The following UBR3 variants were observed in gnomAD, a reference collection of about 807,000 sequenced individuals.
UBR3 encodes ubiquitin protein ligase E3 component n-recognin 3.
In UBR3, 85 loss-of-function variants were observed where a neutral mutation model predicts 243.2. The ratio of observed to expected loss-of-function variants is 0.35; its 90% CI spans 0.29 to 0.42. The LOEUF is 0.42. Among genes scored for constraint, UBR3 ranks in the 10% least tolerant of loss-of-function variants. The pLI is 1.00. For missense variants in UBR3, 1,686 were observed against 2,300.8 expected, an observed-to-expected ratio of 0.73 and a Z score of 5.47; for synonymous variants, 748 against 799.8, an observed-to-expected ratio of 0.94 and a Z score of 1.09.
intron 32 of UBR3, among the ~76,000 whole-genome samples, chr2:170,042,489 G>T (rs1028640765): frequency 6.6e-6 from 1 of 151,974 alleles, no homozygotes; most frequent in African/African-American, 2.4e-5. Context: ...AGGAGCTCAT[G>T]ACCAGCCTGG....
At chr2:169,947,254 G>C (rs1574262559) in intron 21 of UBR3, among the ~76,000 whole-genome samples, 1 of 152,058 alleles carries the variant, frequency 6.6e-6, no homozygotes, top group East Asian at 1.9e-4. Flanking sequence ...TGAATATTCT[G>C]TAATGTTCAG....
At chr2:170,012,386 C>A (rs2090111607) in intron 29 of UBR3, among the ~76,000 whole-genome samples, 1 of 151,934 alleles carries the variant, frequency 6.6e-6, no homozygotes, top group Admixed American at 6.6e-5. Flanking sequence ...TTATCAGGTA[C>A]CCTGGGGATT....
At chr2:170,002,066 C>A (rs1487823895) in intron 27 of UBR3, among the ~76,000 whole-genome samples, 1 of 151,496 alleles carries the variant, frequency 6.6e-6, no homozygotes, top group Admixed American at 6.6e-5. Flanking sequence ...CACATAAGTT[C>A]TCTTGTCTTC....
At chr2:170,057,423 T>C (rs575752408) in intron 33 of UBR3, among the ~76,000 whole-genome samples, 1 of 152,308 alleles carries the variant, frequency 6.6e-6, no homozygotes, top group South Asian at 2.1e-4. Context: ...CTGGCCTATT[T>C]TTCCTAAATA....
chr2:170,080,374 C>A (rs968277655), intron 37 of UBR3, 171 bp from the exon 38 acceptor site: 2 of 772,714 alleles, frequency 2.6e-6, no homozygotes, highest in East Asian at 5.6e-5. Context: ...TACCCAAATA[C>A]CTCCTAATGT....
intron 35 of UBR3, among the ~76,000 whole-genome samples, chr2:170,071,143 A>G (rs1192014433): frequency 3.3e-5 from 5 of 152,212 alleles, no homozygotes; most frequent in South Asian, 2.1e-4. Flanking sequence ...AAAACGGTAT[A>G]GTCAATTTGG....
intron 11 of UBR3, among the ~76,000 whole-genome samples, chr2:169,915,296 C>T (rs191924451): frequency 1.4e-4 from 22 of 151,920 alleles, no homozygotes; most frequent in African/African-American, 4.4e-4. Context: ...TGCAGTGGCA[C>T]AATCTTGGCT....
At chr2:169,964,552 G>C (rs776592570) in intron 24 of UBR3, 1 of 423,298 alleles carries the variant, frequency 2.4e-6, no homozygotes, top group Admixed American at 3.2e-5. Flanking sequence ...AGTTCCACTG[G>C]CTTTAAGGGA....
At chr2:169,974,417 T>C (rs2088325540) in intron 24 of UBR3, among the ~76,000 whole-genome samples, 1 of 152,206 alleles carries the variant, frequency 6.6e-6, no homozygotes, top group Non-Finnish European at 1.5e-5. Flanking sequence ...TCCAGGAATT[T>C]ATCCATTTCT....
chr2:170,048,569 A>G (rs1421460664), intron 32 of UBR3, among the ~76,000 whole-genome samples: 2 of 152,178 alleles, frequency 1.3e-5, no homozygotes, highest in Non-Finnish European at 2.9e-5. Flanking sequence ...GGCTTATGCT[A>G]GAGGCTGTGA....
At chr2:169,974,687 C>T (rs1378565729) in intron 24 of UBR3, among the ~76,000 whole-genome samples, 1 of 151,794 alleles carries the variant, frequency 6.6e-6, no homozygotes, top group African/African-American at 2.4e-5. Context: ...TATTTCCTTC[C>T]TCTTGCTAAT....
intron 26 of UBR3, among the ~76,000 whole-genome samples, chr2:170,001,095 G>A (rs1205510833): frequency 6.6e-6 from 1 of 152,146 alleles, no homozygotes; most frequent in Non-Finnish European, 1.5e-5. Context: ...GAGTATAGAA[G>A]TTTGGGAGCT....
At chr2:169,828,563 T>G (rs2081823774) in intron 1 of UBR3, among the ~76,000 whole-genome samples, 1 of 151,874 alleles carries the variant, frequency 6.6e-6, no homozygotes, top group African/African-American at 2.4e-5. Context: ...AAAGGTCTTC[T>G]GAACTGCCAG....
At chr2:170,003,744 C>T (rs1382759410) in intron 27 of UBR3, among the ~76,000 whole-genome samples, 3 of 152,078 alleles carry the variant, frequency 2.0e-5, no homozygotes, top group East Asian at 1.9e-4. Context: ...AGGTTCACGC[C>T]GTTCTCCTGC....
chr2:169,941,084 G>C (rs1046482141), intron 19 of UBR3, among the ~76,000 whole-genome samples: 1 of 152,098 alleles, frequency 6.6e-6, no homozygotes, highest in Non-Finnish European at 1.5e-5. Context: ...TCCTCCTTCT[G>C]ATGACATGTT....
intron 30 of UBR3, among the ~76,000 whole-genome samples, chr2:170,021,653 C>T (rs2090395813): frequency 6.6e-6 from 1 of 152,098 alleles, no homozygotes. Flanking sequence ...ACTTGACAGA[C>T]TTTCTTTTGA....
chr2:169,969,504 T>G (rs2087986628), intron 24 of UBR3, among the ~76,000 whole-genome samples: 1 of 151,842 alleles, frequency 6.6e-6, no homozygotes, highest in Admixed American at 6.6e-5. Context: ...TGGCTGTAAA[T>G]ATGTGTATTT....
At position 170,043,533 on chromosome 2, in the gene UBR3, T is replaced by G. The variant is rs187844216; in HGVS notation, c.4660+2548T>G. Among the ~76,000 whole-genome samples the G allele has an allele frequency of 7.9e-5, 12 of 152,298 alleles. No homozygotes were observed. The East Asian group carries it at 2.3e-3, about 29-fold the overall frequency. ...ATTCAGGAAATCATCAATGTAAAAATGTATAATATTGTTAATAATCATGCC... is the reference window on the plus strand; with the variant it reads ...ATTCAGGAAATCATCAATGTAAAAAGGTATAATATTGTTAATAATCATGCC... On this transcript the variant is annotated intron_variant, in intron 32 of 38. Coordinates refer to ENST00000272793, the MANE Select transcript of UBR3 (RefSeq NM_172070.4).
chr2:170,061,309 T>A lies in UBR3; in HGVS notation c.4894-9T>A, dbSNP rs1219097355. Reference sequence around the variant, plus strand: ...ACTGACTTGTTCAAATTTTCTTTTTTAACTTTAGGTTAACCCTATTGCTTG... The same window carrying A: ...ACTGACTTGTTCAAATTTTCTTTTTAAACTTTAGGTTAACCCTATTGCTTG... On this transcript the variant is annotated splice_polypyrimidine_tract_variant and intron_variant, in intron 34 of 38. Coordinates refer to ENST00000272793, the MANE Select transcript of UBR3 (RefSeq NM_172070.4). The A allele has an allele frequency of 6.2e-7, 1 of 1,609,046 alleles. No homozygotes were observed. The highest frequency in any genetic ancestry group is 8.5e-7 in the Non-Finnish European group (1 of 1,178,802).
Sources: gnomAD v4.1 joint callset for allele counts (sites outside exome capture counted in the v4.1 genomes callset) on GRCh38, gnomAD v4.1.1 for gene constraint, MANE v1.5 for transcripts, NCBI Gene and HGNC (gene_info 2026-07-23, HGNC 2026-07-21) for gene names.